The following MAPRE3 variants were observed in gnomAD, a reference collection of about 807,000 sequenced individuals.
The protein encoded by MAPRE3 is microtubule associated protein RP/EB family member 3, also known as microtubule-associated protein RP/EB family member 3.
In MAPRE3, 2 loss-of-function variants were observed where a neutral mutation model predicts 30.5. That is an observed-to-expected ratio of 0.07 (90% CI 0.03 to 0.21). MAPRE3 has a LOEUF of 0.21. Among genes scored for constraint, MAPRE3 ranks in the 10% least tolerant of loss-of-function variants. The pLI, the probability that MAPRE3 is intolerant of heterozygous loss-of-function variation, is 1.00. For missense variants in MAPRE3, 204 were observed against 351.8 expected (o/e 0.58, Z 3.36); for synonymous variants, 110 against 127.7 (o/e 0.86, Z 0.93).
At chr2:27,003,022 T>A (rs1666634733) in intron 1 of MAPRE3, 1 of 152,254 alleles carries the variant, frequency 6.6e-6, no homozygotes, top group African/African-American at 2.4e-5. Context: ...GGGGACATTT[T>A]AATCTATTAA....
intron 1 of MAPRE3, among the ~76,000 whole-genome samples, chr2:27,011,391 C>T (rs1482782042): frequency 6.6e-6 from 1 of 152,116 alleles, no homozygotes; most frequent in Non-Finnish European, 1.5e-5. Context: ...TGCTTTGTGG[C>T]GTCCCTTGTT....
chr2:27,005,372 T>G (rs1195491508), intron 1 of MAPRE3, among the ~76,000 whole-genome samples: 2 of 152,238 alleles, frequency 1.3e-5, no homozygotes. Flanking sequence ...TGGTCTTCAC[T>G]GCACTCTCAA....
intron 1 of MAPRE3, among the ~76,000 whole-genome samples, chr2:26,995,902 T>G (rs1290821100): frequency 6.7e-6 from 1 of 148,324 alleles, no homozygotes; most frequent in East Asian, 2.1e-4. Context: ...CTACTGATAT[T>G]CCGGCCACAG....
At position 27,026,400 on chromosome 2, in the gene MAPRE3, G is replaced by C. The variant is rs1667244704; in HGVS notation, c.*52G>C. On this transcript the variant is annotated 3_prime_UTR_variant, in exon 7 of 7. Coordinates refer to ENST00000233121, the MANE Select transcript of MAPRE3 (RefSeq NM_012326.4). ...ACAGCTTCCCCGTGCCTCCCTCCCTGCTCCACTCCCACATTATAGTCCTTT... is the reference window on the plus strand; with the variant it reads ...ACAGCTTCCCCGTGCCTCCCTCCCTCCTCCACTCCCACATTATAGTCCTTT... 1 of 1,438,490 alleles carries C rather than the reference G, an allele frequency of 7.0e-7. No homozygotes were observed. The highest frequency in any genetic ancestry group is 2.3e-5 in the East Asian group (1 of 44,090). 89.1% of individuals were successfully genotyped at this position (1,438,490 alleles called of 1,614,324 possible). A position where few individuals can be genotyped will look rare whatever the true frequency, so the allele number is the denominator to read the frequency against.
intron 1 of MAPRE3, among the ~76,000 whole-genome samples, chr2:26,989,841 G>A (rs1264382018): frequency 6.6e-6 from 1 of 152,186 alleles, no homozygotes; most frequent in Non-Finnish European, 1.5e-5. Context: ...TCACTGACCT[G>A]TTGAATCAGA....
chr2:26,975,283 A>C (rs572231146), intron 1 of MAPRE3, among the ~76,000 whole-genome samples: 21 of 152,316 alleles, frequency 1.4e-4, no homozygotes, highest in African/African-American at 5.1e-4. Context: ...GTAGAGGCAT[A>C]GATTTCATCG....
intron 1 of MAPRE3, among the ~76,000 whole-genome samples, chr2:27,006,431 A>G (rs1666730240): frequency 6.6e-6 from 1 of 152,104 alleles, no homozygotes; most frequent in South Asian, 2.1e-4. Flanking sequence ...AAGTTTTTTT[A>G]TTTTGTTTTT....
rs1666962311 is a variant in MAPRE3, at chr2:27,015,466, C to CT, written c.-7-6744dup. 1.3e-5 allele frequency among the ~76,000 whole-genome samples: 2 copies of CT among 152,168 alleles called. No homozygotes were observed. The highest frequency in any genetic ancestry group is 1.9e-4 in the East Asian group (1 of 5,192). ...GTTCTTAAGCACTACCTTTCTGGAGCTTGCTGGAGGCATGCTGGCCACCTC... is the reference window on the plus strand; with the variant it reads ...GTTCTTAAGCACTACCTTTCTGGAGCTTTGCTGGAGGCATGCTGGCCACCTC... On this transcript the variant is annotated intron_variant, in intron 1 of 6. Transcript: ENST00000233121. This position sits in a 1 kb window ranked among gnomAD's most constrained non-coding sequence, Gnocchi z 4.0.
Position 27,024,290 on chromosome 2 carries a change from C to T in MAPRE3, c.462C>T (p.Gly154=), listed in dbSNP as rs540720394. ...TCAACAAATCCAAGAAACTCATTGGCACAGCAGGTAACGTGCCCGAGCCGG... is the reference window on the plus strand; with the variant it reads ...TCAACAAATCCAAGAAACTCATTGGTACAGCAGGTAACGTGCCCGAGCCGG... The part of the protein sequence containing the change: ...QIFNKSKKLI[G]TAVPQRTSPT... The change falls in exon 4 of 7, where the codon GGC becomes GGT. Residue 154 remains glycine, a synonymous_variant. Coordinates refer to ENST00000233121, the MANE Select transcript of MAPRE3 (RefSeq NM_012326.4). 34 of 1,613,614 alleles carry T rather than the reference C, an allele frequency of 2.1e-5. No homozygotes were observed. Among genetic ancestry groups the T allele is most frequent in the South Asian group, 2.1e-4 (19 of 91,040 alleles).
At chr2:27,018,079 C>T (rs527951655) in intron 1 of MAPRE3, among the ~76,000 whole-genome samples, 1 of 152,294 alleles carries the variant, frequency 6.6e-6, no homozygotes, top group Non-Finnish European at 1.5e-5. Context: ...GGACTAAGAC[C>T]ATTGCCTTTC....
chr2:27,010,263 A>G (rs1483048654), intron 1 of MAPRE3, among the ~76,000 whole-genome samples: 1 of 152,148 alleles, frequency 6.6e-6, no homozygotes, highest in Non-Finnish European at 1.5e-5. Flanking sequence ...CACATTTCTT[A>G]TCTTGCTTTT....
intron 1 of MAPRE3, among the ~76,000 whole-genome samples, chr2:26,995,825 G>A (rs185965555): frequency 7.4e-4 from 111 of 149,308 alleles, no homozygotes; most frequent in East Asian, 4.2e-3. Flanking sequence ...GTGTGTGTGT[G>A]TGTGTATGTG....
At chr2:26,979,693 G>A (rs1335359066) in intron 1 of MAPRE3, among the ~76,000 whole-genome samples, 1 of 152,232 alleles carries the variant, frequency 6.6e-6, no homozygotes, top group African/African-American at 2.4e-5. Flanking sequence ...CAGGAGGCAA[G>A]GTACAGCATC....
intron 1 of MAPRE3, among the ~76,000 whole-genome samples, chr2:26,999,501 T>C (rs1258947059): frequency 2.4e-5 from 3 of 126,510 alleles, no homozygotes; most frequent in Non-Finnish European, 5.0e-5. Context: ...TTTTTTTTTT[T>C]TTTTTTTTTT....
intron 1 of MAPRE3, among the ~76,000 whole-genome samples, chr2:26,973,097 A>C (rs1426208242): frequency 1.3e-5 from 2 of 152,240 alleles, no homozygotes; most frequent in Non-Finnish European, 2.9e-5. Context: ...TTTAGGTAAA[A>C]TAATCTAATG....
At chr2:27,014,329 T>G (rs1208600379) in intron 1 of MAPRE3, among the ~76,000 whole-genome samples, 1 of 152,190 alleles carries the variant, frequency 6.6e-6, no homozygotes, top group Non-Finnish European at 1.5e-5. Flanking sequence ...TACAGGGATG[T>G]GGCACCATTA....
At position 27,015,419 on chromosome 2, in the gene MAPRE3, C is replaced by T. The variant is rs377348146; in HGVS notation, c.-7-6793C>T. On this transcript the variant is annotated intron_variant, in intron 1 of 6. Coordinates refer to ENST00000233121, the MANE Select transcript of MAPRE3 (RefSeq NM_012326.4). The surrounding 1 kb of genome is among the most constrained non-coding windows in gnomAD (Gnocchi z 4.0). ...TGGTACAACTAGGATTTGAACCCAC[C>T]TGATGTGCCTGGAGATCTAGTGTTC... Among the ~76,000 whole-genome samples, 5 of 152,176 alleles carry T rather than the reference C, an allele frequency of 3.3e-5. No homozygotes were observed. In the East Asian group the frequency reaches 5.8e-4, roughly 18 times the overall value.
At chr2:27,017,121 A>G (rs895736799) in intron 1 of MAPRE3, among the ~76,000 whole-genome samples, 7 of 152,144 alleles carry the variant, frequency 4.6e-5, no homozygotes, top group Admixed American at 6.5e-5. Context: ...GCCCTCCCCA[A>G]TGTGATGTTT....
chr2:27,017,602 C>T (rs1667017772), intron 1 of MAPRE3, among the ~76,000 whole-genome samples: 2 of 152,170 alleles, frequency 1.3e-5, no homozygotes, highest in South Asian at 2.1e-4. Context: ...TTCTAAACTC[C>T]AGGGAAACTG....
Sources: allele counts gnomAD v4.1 joint callset (sites outside exome capture counted in the v4.1 genomes callset), GRCh38; gene constraint gnomAD v4.1.1; non-coding constraint Gnocchi (gnomAD v3.1); transcripts MANE v1.5; gene names NCBI Gene and HGNC (gene_info 2026-07-23, HGNC 2026-07-21).